Variants in FUT8 observed in about 807,000 individuals in gnomAD.
FUT8 encodes fucosyltransferase 8.
In FUT8, 29 loss-of-function variants were observed where a neutral mutation model predicts 71.3. That is an observed-to-expected ratio of 0.41 (90% confidence interval 0.30 to 0.55). The LOEUF (loss-of-function observed/expected upper bound fraction) is 0.55, where lower values mean the gene tolerates loss of function less well. FUT8 is among the 20% of genes least tolerant of loss of function. The pLI, the probability that FUT8 is intolerant of heterozygous loss-of-function variation, is 0.34. For missense variants in FUT8, 544 were observed against 702.1 expected (o/e 0.77, Z 2.55); for synonymous variants, 254 against 239.3 (o/e 1.06, Z -0.57).
intron 2 of FUT8, among the ~76,000 whole-genome samples, chr14:65,497,881 A>T (rs552556717): frequency 1.3e-5 from 2 of 152,240 alleles, no homozygotes; most frequent in African/African-American, 4.8e-5. Context: ...AAAGGAGAGC[A>T]GATTGAGAAT....
intron 7 of FUT8, among the ~76,000 whole-genome samples, chr14:65,713,965 T>C (rs1249717560): frequency 6.6e-6 from 1 of 152,242 alleles, no homozygotes; most frequent in Non-Finnish European, 1.5e-5. Flanking sequence ...CCTGGAGAGC[T>C]TCCCCAATGT....
In FUT8 at chr14:65,625,064, C is replaced by CATAAATAAATAAATAA. The variant is rs145476463; in HGVS notation, c.483-4409_483-4394dup. ...CTGGGCAACAAGAGTGAAACTCTGTCATAAATAAATAAATAAATAAATAAA... is the reference window on the plus strand; with the variant it reads ...CTGGGCAACAAGAGTGAAACTCTGTCATAAATAAATAAATAAATAAATAAATAAATAAATAAATAAA... On this transcript the variant is annotated intron_variant, in intron 5 of 10. Coordinates refer to ENST00000673929, the MANE Select transcript of FUT8 (RefSeq NM_001371533.1). 1.4e-3 allele frequency among the ~76,000 whole-genome samples: 211 copies of CATAAATAAATAAATAA among 146,518 alleles called. 1 individual carries two copies. The highest frequency in any genetic ancestry group is 3.6e-3 in the Middle Eastern group (1 of 280).
intron 3 of FUT8, among the ~76,000 whole-genome samples, chr14:65,582,126 G>A (rs1003599655): frequency 2.6e-5 from 4 of 152,076 alleles, no homozygotes; most frequent in African/African-American, 9.7e-5. Flanking sequence ...GAGCATAAGT[G>A]TCACATGATG....
chr14:65,403,674 T>C, the FUT8 span, among the ~76,000 whole-genome samples: 7 of 152,098 alleles, frequency 4.6e-5, no homozygotes, highest in Non-Finnish European at 2.9e-5. Context: ...CATTGGAACT[T>C]TAGTGACTTT....
intron 3 of FUT8, among the ~76,000 whole-genome samples, chr14:65,592,935 C>T (rs1354455225): frequency 6.6e-6 from 1 of 152,136 alleles, no homozygotes; most frequent in East Asian, 1.9e-4. Context: ...CTGGGCTGGA[C>T]CAAGGCATGT....
In FUT8 at chr14:65,439,993, T is replaced by TATAC. The variant is rs1555361023; in HGVS notation, c.-325-15627_-325-15626insTACA. 2.9e-4 allele frequency among the ~76,000 whole-genome samples: 40 copies of TATAC among 138,182 alleles called. 1 individual carries two copies. The highest frequency in any genetic ancestry group is 1.0e-3 in the African/African-American group (39 of 37,852). 90.7% of individuals were successfully genotyped at this position (138,182 alleles called of 152,430 possible). ...ATATATATATATATATATATATATG[T>TATAC]ACACACACACAGTGGAATACTGTTC... On this transcript the variant is annotated intron_variant, in intron 1 of 10. Transcript: ENST00000673929.
chr14:65,403,923 G>A, the FUT8 span, among the ~76,000 whole-genome samples: 1 of 151,724 alleles, frequency 6.6e-6, no homozygotes, highest in African/African-American at 2.4e-5. Context: ...TTGAGATGGA[G>A]TTTTGCTCTT....
chr14:65,619,466 A>C (rs1393579628), intron 5 of FUT8, among the ~76,000 whole-genome samples: 1 of 152,168 alleles, frequency 6.6e-6, no homozygotes, highest in Non-Finnish European at 1.5e-5. Context: ...CTGGGGGCCA[A>C]ATATCATAAG....
chr14:65,684,106 T>C (rs1893162735), intron 7 of FUT8, among the ~76,000 whole-genome samples: 1 of 151,762 alleles, frequency 6.6e-6, no homozygotes, highest in Non-Finnish European at 1.5e-5. Context: ...GCATTGATTT[T>C]ATATTAAAAA....
intron 7 of FUT8, among the ~76,000 whole-genome samples, chr14:65,670,444 T>C (rs1053571018): frequency 2.6e-5 from 4 of 152,180 alleles, no homozygotes; most frequent in African/African-American, 9.6e-5. Context: ...TTAGCTATTA[T>C]GAATAGCCTT....
Position 65,483,495 on chromosome 14 carries a change from T to G in FUT8, c.-228+27777T>G, listed in dbSNP as rs1435067786. ...TAAGAAACAGTATGTAAATATTTGA[T>G]TGGAATTGCATCGAATCTATAGATG... is the stretch of plus-strand genomic sequence containing the variant. On this transcript the variant is annotated intron_variant, in intron 2 of 10. Coordinates refer to ENST00000673929, the MANE Select transcript of FUT8 (RefSeq NM_001371533.1). This position sits in a 1 kb window ranked among gnomAD's most constrained non-coding sequence, Gnocchi z 4.4. 2.6e-5 allele frequency among the ~76,000 whole-genome samples: 4 copies of G among 152,190 alleles called. No individual in the cohort carries two copies. The highest frequency in any genetic ancestry group is 9.7e-5 in the African/African-American group (4 of 41,440).
chr14:65,593,327 T>C (rs1007493997), intron 3 of FUT8, among the ~76,000 whole-genome samples: 1 of 152,176 alleles, frequency 6.6e-6, no homozygotes. Flanking sequence ...ATATTAAAGT[T>C]AAGAGGGGAA....
In FUT8 at chr14:65,551,124, TTGACA is replaced by T. The variant is rs1313549683; in HGVS notation, c.-227-10210_-227-10206del. 4.7e-5 allele frequency among the ~76,000 whole-genome samples: 7 copies of T among 150,474 alleles called. No individual in the cohort carries two copies. The South Asian group carries it at 1.5e-3, about 33-fold the overall frequency. On this transcript the variant is annotated intron_variant, in intron 2 of 10. Coordinates refer to ENST00000673929, the MANE Select transcript of FUT8 (RefSeq NM_001371533.1). The stretch of plus-strand genomic sequence containing the variant: ...TTTGAGTTTAAAAGGCAACCCTCCT[TTGACA>T]TGGCTCATAGCACAACAGGCCAGGC...
the FUT8 span, among the ~76,000 whole-genome samples, chr14:65,386,525 A>G: frequency 1.3e-5 from 2 of 151,216 alleles, no homozygotes; most frequent in Non-Finnish European, 2.9e-5. Flanking sequence ...AAAAAAAAAA[A>G]AAAAGAAAGG....
chr14:65,416,738 A>G (rs898200743), intron 1 of FUT8, among the ~76,000 whole-genome samples: 61 of 150,852 alleles, frequency 4.0e-4, no homozygotes, highest in African/African-American at 1.5e-3. Flanking sequence ...TTATATGGGG[A>G]TGTGTAGATT....
chr14:65,624,612 T>C (rs1342661185), intron 5 of FUT8, among the ~76,000 whole-genome samples: 3 of 152,272 alleles, frequency 2.0e-5, no homozygotes, highest in African/African-American at 7.2e-5. Flanking sequence ...GTAATGCTTT[T>C]TGTTTCTGTA....
intron 3 of FUT8, among the ~76,000 whole-genome samples, chr14:65,582,582 C>G (rs1043800334): frequency 3.9e-5 from 6 of 152,156 alleles, no homozygotes; most frequent in African/African-American, 1.4e-4. Flanking sequence ...TTCTGAGAAT[C>G]CTTTCTTGAC....
rs187372198 is a variant in FUT8, at chr14:65,634,372, C to T, written c.597+4766C>T. 6.3e-3 allele frequency among the ~76,000 whole-genome samples: 964 copies of T among 152,050 alleles called. 7 individuals carry two copies. Among genetic ancestry groups the T allele is most frequent in the Non-Finnish European group, 0.011 (717 of 67,968 alleles). ...AACAGATGCTTGAAGGCAACATGCT[C>T]GTTAAGAGTCATCACCACTCCCTAA... On this transcript the variant is annotated intron_variant, in intron 6 of 10. Coordinates refer to ENST00000673929, the MANE Select transcript of FUT8 (RefSeq NM_001371533.1).
At chr14:65,653,353 T>TGCAA (rs1566876969) in intron 6 of FUT8, among the ~76,000 whole-genome samples, 1 of 152,210 alleles carries the variant, frequency 6.6e-6, no homozygotes, top group Non-Finnish European at 1.5e-5. Context: ...GACTGAAGGA[T>TGCAA]GCAAGCACCT....
Sources: gnomAD v4.1 joint callset for allele counts (sites outside exome capture counted in the v4.1 genomes callset) on GRCh38, gnomAD v4.1.1 for gene constraint, Gnocchi (gnomAD v3.1) non-coding constraint, MANE v1.5 for transcripts, NCBI Gene and HGNC (gene_info 2026-07-23, HGNC 2026-07-21) for gene names.